Variants in RPL37 observed in about 807,000 individuals in gnomAD.
RPL37 encodes ribosomal protein L37.
A neutral mutation model predicts 14.8 loss-of-function variants in RPL37; 1 was observed. The ratio of observed to expected loss-of-function variants is 0.07; its 90% CI spans 0.02 to 0.32. RPL37 has a LOEUF of 0.32. Among genes scored for constraint, RPL37 ranks in the 10% least tolerant of loss-of-function variants. The pLI, the probability that RPL37 is intolerant of heterozygous loss-of-function variation, is 1.00. For missense variants in RPL37, 100 were observed against 128.3 expected (o/e 0.78, Z 1.06); for synonymous variants, 53 against 45.8 (o/e 1.16, Z -0.63).
chr5:40,830,130 CAGAGGACAG>C lies in RPL37; in HGVS notation c.*2365_*2373del, dbSNP rs1365700894. The C allele has an allele frequency of 1.1e-4, 16 of 152,152 alleles. No homozygotes were observed. Among genetic ancestry groups the C allele is most frequent in the African/African-American group, 3.9e-4 (16 of 41,510 alleles). 9.4% of individuals were successfully genotyped at this position (152,152 alleles called of 1,614,324 possible). A position where few individuals can be genotyped will look rare whatever the true frequency, so the allele number is the denominator to read the frequency against. ...AGGGGCTGGAGGGAGGCTTTTCAGG[CAGAGGACAG>C]AGTTGAAAAGCAGATGGGGTACTTA... On this transcript the variant is annotated 3_prime_UTR_variant, in exon 4 of 4. Transcript: ENST00000274242.
rs996149785 is a variant in RPL37 at position 40,827,585 on chromosome 5, A to C, written c.*4919T>G. On this transcript the variant is annotated 3_prime_UTR_variant, in exon 4 of 4. Coordinates refer to ENST00000274242, the MANE Select transcript of RPL37 (RefSeq NM_000997.5). ...CCCACCGTATAAAGACACAAACATAAAAGCAATGTTTTGATCTGAATCCAA... is the reference window on the plus strand; with the variant it reads ...CCCACCGTATAAAGACACAAACATACAAGCAATGTTTTGATCTGAATCCAA... 27 of 152,160 alleles carry C rather than the reference A, an allele frequency of 1.8e-4. No homozygotes were observed. Among genetic ancestry groups the C allele is most frequent in the African/African-American group, 6.5e-4 (27 of 41,440 alleles). 9.4% of individuals were successfully genotyped at this position (152,160 alleles called of 1,614,324 possible).
chr5:40,832,576 G>A lies in RPL37; in HGVS notation c.225-3C>T. The A allele has an allele frequency of 6.2e-7, 1 of 1,612,816 alleles. No homozygotes were observed. ...TTGTTCCTTCACGGAATCCATGCCT[G>A]CAGGATGTCAAAAACAAGAACAAGT... On this transcript the variant is annotated splice_polypyrimidine_tract_variant and splice_region_variant and intron_variant, in intron 3 of 3. Transcript: ENST00000274242.
Position 40,830,257 on chromosome 5 carries a change from G to A in RPL37, c.*2247C>T, listed in dbSNP as rs571547821. On this transcript the variant is annotated 3_prime_UTR_variant, in exon 4 of 4. Coordinates refer to ENST00000274242, the MANE Select transcript of RPL37 (RefSeq NM_000997.5). ...CTGCTGAAAAATTTAAAGTATAATG[G>A]GTATCTATACATAACTATAACTTAA... is the stretch of plus-strand genomic sequence containing the variant. 2 of 152,166 alleles carry A rather than the reference G, an allele frequency of 1.3e-5. No individual in the cohort carries two copies. The highest frequency in any genetic ancestry group is 3.9e-4 in the East Asian group (2 of 5,184). 9.4% of individuals were successfully genotyped at this position (152,166 alleles called of 1,614,324 possible). A position where few individuals can be genotyped will look rare whatever the true frequency, so the allele number is the denominator to read the frequency against.
At position 40,826,179 on chromosome 5, in the gene RPL37, A is replaced by AT. The variant is rs2112148044; in HGVS notation, c.*6324_*6325insA. 1.3e-5 allele frequency: 2 copies of AT among 152,326 alleles called. No homozygotes were observed. Among genetic ancestry groups the AT allele is most frequent in the South Asian group, 4.1e-4 (2 of 4,828 alleles). 9.4% of individuals were successfully genotyped at this position (152,326 alleles called of 1,614,324 possible). A position where few individuals can be genotyped will look rare whatever the true frequency, so the allele number is the denominator to read the frequency against. On this transcript the variant is annotated 3_prime_UTR_variant, in exon 4 of 4. Coordinates refer to ENST00000274242, the MANE Select transcript of RPL37 (RefSeq NM_000997.5). Reference sequence around the variant, plus strand: ...ATAATTTTAATCATTTTTAAGGCAAAGAAAATACTTTTTACATTTGCTAGA... The same window carrying AT: ...ATAATTTTAATCATTTTTAAGGCAAATGAAAATACTTTTTACATTTGCTAGA...
intron 1 of RPL37, 46 bp from the exon 2 acceptor site, chr5:40,834,652 G>C: frequency 6.5e-7 from 1 of 1,548,468 alleles, no homozygotes; most frequent in South Asian, 1.2e-5. Context: ...GCAACTTCTA[G>C]ATTTACTCGA....
chr5:40,826,187 C>CT lies in RPL37; in HGVS notation c.*6316dup, dbSNP rs1561205096. 2 of 152,112 alleles carry CT rather than the reference C, an allele frequency of 1.3e-5. No homozygotes were observed. The highest frequency in any genetic ancestry group is 4.8e-5 in the African/African-American group (2 of 41,420). The allele number at this position is 152,112 out of a possible 1,614,324, so 9.4% of individuals were successfully genotyped here. Reference sequence around the variant, plus strand: ...AATCATTTTTAAGGCAAAGAAAATACTTTTTACATTTGCTAGATGTTTATT... The same window carrying CT: ...AATCATTTTTAAGGCAAAGAAAATACTTTTTTACATTTGCTAGATGTTTATT... On this transcript the variant is annotated 3_prime_UTR_variant, in exon 4 of 4. Transcript: ENST00000274242.
At position 40,834,226 on chromosome 5, in the gene RPL37, C is replaced by G; in HGVS notation, c.179G>C (p.Gly60Ala). Residue 60 changes from glycine to alanine, a missense_variant, in exon 3 of 4, where the codon GGA (glycine) becomes GCA (alanine). Transcript: ENST00000274242. Reference protein sequence around the residue: ...SAKAKRRNTTGTGRMRHLKIV... With the variant: ...SAKAKRRNTTATGRMRHLKIV... ...TTTTAGGTGCCTCATTCGACCAGTT[C>G]CGGTGGTATTTCGTCTTTTAGCCTT... 2 of 1,614,116 alleles carry G rather than the reference C, an allele frequency of 1.2e-6. No homozygotes were observed. Among genetic ancestry groups the G allele is most frequent in the Non-Finnish European group, 1.7e-6 (2 of 1,179,992 alleles).
rs1005235852 is a variant in RPL37, at chr5:40,831,121, C to T, written c.*1383G>A. ...TTAGTCGAGTGAATCTCCATCTCTA[C>T]AAAAAACACAAAAATTAGCCAGGTG... On this transcript the variant is annotated 3_prime_UTR_variant, in exon 4 of 4. Transcript: ENST00000274242. 6 of 152,008 alleles carry T rather than the reference C, an allele frequency of 3.9e-5. No homozygotes were observed. Among genetic ancestry groups the T allele is most frequent in the African/African-American group, 1.4e-4 (6 of 41,384 alleles). The allele number at this position is 152,008 out of a possible 1,614,324, so 9.4% of individuals were successfully genotyped here.
chr5:40,832,447 C>T lies in RPL37; in HGVS notation c.*57G>A. ...ATTGATTAAAAATACCTTACCAAAA[C>T]CAGATATGTATTTTTTAAAACCAGA... On this transcript the variant is annotated 3_prime_UTR_variant, in exon 4 of 4. Coordinates refer to ENST00000274242, the MANE Select transcript of RPL37 (RefSeq NM_000997.5). The T allele has an allele frequency of 6.9e-7, 1 of 1,445,246 alleles. No homozygotes were observed. Among genetic ancestry groups the T allele is most frequent in the Non-Finnish European group, 9.7e-7 (1 of 1,027,884 alleles). 89.5% of individuals were successfully genotyped at this position (1,445,246 alleles called of 1,614,324 possible). A position where few individuals can be genotyped will look rare whatever the true frequency, so the allele number is the denominator to read the frequency against.
At chr5:40,834,307 C>A in intron 2 of RPL37, 42 bp from the exon 3 acceptor site, 1 of 1,582,296 alleles carries the variant, frequency 6.3e-7, no homozygotes, top group South Asian at 1.1e-5. Context: ...GGTGTTCTCC[C>A]ACACACCTTG....
chr5:40,834,829 TAC>T (rs925172019), intron 1 of RPL37, among the ~76,000 whole-genome samples: 33 of 152,318 alleles, frequency 2.2e-4, no homozygotes, highest in African/African-American at 7.9e-4. Context: ...ACCTTATCTT[TAC>T]AGACTCCGGC....
rs1579789679 is a variant in RPL37, at chr5:40,829,360, T to C, written c.*3144A>G. On this transcript the variant is annotated 3_prime_UTR_variant, in exon 4 of 4. Transcript: ENST00000274242. ...ACATTCTGGTTTAAATCCTCTGTAA[T>C]TTCTCAAGACAAATTCTTCATAATC... is the stretch of plus-strand genomic sequence containing the variant. 6.6e-6 allele frequency: 1 copy of C among 152,248 alleles called. No homozygotes were observed. Among genetic ancestry groups the C allele is most frequent in the African/African-American group, 2.4e-5 (1 of 41,466 alleles). 9.4% of individuals were successfully genotyped at this position (152,248 alleles called of 1,614,324 possible). A position where few individuals can be genotyped will look rare whatever the true frequency, so the allele number is the denominator to read the frequency against.
Position 40,832,224 on chromosome 5 carries a change from A to G in RPL37, c.*280T>C. The G allele has an allele frequency of 2.5e-6, 1 of 402,748 alleles. No individual in the cohort carries two copies. The highest frequency in any genetic ancestry group is 4.7e-6 in the Non-Finnish European group (1 of 212,026). 24.9% of individuals were successfully genotyped at this position (402,748 alleles called of 1,614,324 possible). The stretch of plus-strand genomic sequence containing the variant: ...CCACCTATGCCACATGAGCTGTGCT[A>G]TTTTAATCTGCTATATTGTCTTCCA... On this transcript the variant is annotated 3_prime_UTR_variant, in exon 4 of 4. Transcript: ENST00000274242.
Position 40,830,308 on chromosome 5 carries a change from T to C in RPL37, c.*2196A>G, listed in dbSNP as rs1035199199. On this transcript the variant is annotated 3_prime_UTR_variant, in exon 4 of 4. Coordinates refer to ENST00000274242, the MANE Select transcript of RPL37 (RefSeq NM_000997.5). ...GGCAGGACTGAAGTGCTGTTAAAGA[T>C]AGAAATATAGACAATAGGTGGGGTG... 2.0e-5 allele frequency: 3 copies of C among 152,070 alleles called. No individual in the cohort carries two copies. The highest frequency in any genetic ancestry group is 6.6e-5 in the Admixed American group (1 of 15,262). The allele number at this position is 152,070 out of a possible 1,614,324, so 9.4% of individuals were successfully genotyped here. A position where few individuals can be genotyped will look rare whatever the true frequency, so the allele number is the denominator to read the frequency against.
Position 40,829,184 on chromosome 5 carries a change from G to C in RPL37, c.*3320C>G, listed in dbSNP as rs755939339. 1 of 152,170 alleles carries C rather than the reference G, an allele frequency of 6.6e-6. No individual in the cohort carries two copies. The highest frequency in any genetic ancestry group is 1.5e-5 in the Non-Finnish European group (1 of 68,028). 9.4% of individuals were successfully genotyped at this position (152,170 alleles called of 1,614,324 possible). The stretch of plus-strand genomic sequence containing the variant: ...TCAAGTTTTAGATGTTTTCTGTAGA[G>C]AACTCCCGGACAGCCCCACAGCCAC... On this transcript the variant is annotated 3_prime_UTR_variant, in exon 4 of 4. Coordinates refer to ENST00000274242, the MANE Select transcript of RPL37 (RefSeq NM_000997.5).
rs1008801304 is a variant in RPL37, at chr5:40,829,965, C to T, written c.*2539G>A. The T allele has an allele frequency of 4.6e-5, 7 of 152,024 alleles. No individual in the cohort carries two copies. Among genetic ancestry groups the T allele is most frequent in the African/African-American group, 9.7e-5 (4 of 41,388 alleles). 9.4% of individuals were successfully genotyped at this position (152,024 alleles called of 1,614,324 possible). The stretch of plus-strand genomic sequence containing the variant: ...GCTGCGACTATAGGACGTGAGCTAC[C>T]GTACCCGGCCGCCACAGATTCAACC... On this transcript the variant is annotated 3_prime_UTR_variant, in exon 4 of 4. Transcript: ENST00000274242.
rs1382551346 is a variant in RPL37, at chr5:40,830,495, C to A, written c.*2009G>T. The A allele has an allele frequency of 1.4e-5, 2 of 139,896 alleles. No individual in the cohort carries two copies. The highest frequency in any genetic ancestry group is 3.0e-5 in the Non-Finnish European group (2 of 65,836). 8.7% of individuals were successfully genotyped at this position (139,896 alleles called of 1,614,324 possible). On this transcript the variant is annotated 3_prime_UTR_variant, in exon 4 of 4. Coordinates refer to ENST00000274242, the MANE Select transcript of RPL37 (RefSeq NM_000997.5). ...CATTTGAAAATTTGAGTCATTAGTT[C>A]AAGGATTTTTTTTTTTTTTTGAGGT... is the stretch of plus-strand genomic sequence containing the variant.
chr5:40,834,620 GAATA>G lies in RPL37; in HGVS notation c.4-18_4-15del, dbSNP rs1215459567. ...CGTTCCCTTCGTCTGCACATTAAAGGAATAAATAGTTCTGAAACCTGGCAACTTC... is the reference window on the plus strand; with the variant it reads ...CGTTCCCTTCGTCTGCACATTAAAGGAATAGTTCTGAAACCTGGCAACTTC... On this transcript the variant is annotated splice_polypyrimidine_tract_variant and intron_variant, in intron 1 of 3. Transcript: ENST00000274242. 1.9e-6 allele frequency: 3 copies of G among 1,594,938 alleles called. No homozygotes were observed. In the African/African-American group the frequency reaches 4.1e-5, roughly 22 times the overall value.
rs919821447 is a variant in RPL37, at chr5:40,826,493, A to G, written c.*6011T>C. 6.6e-6 allele frequency: 1 copy of G among 152,010 alleles called. No homozygotes were observed. The highest frequency in any genetic ancestry group is 1.5e-5 in the Non-Finnish European group (1 of 68,010). The allele number at this position is 152,010 out of a possible 1,614,324, so 9.4% of individuals were successfully genotyped here. ...TGGAGAATTGTTAAGTGCTCAATTC[A>G]GCCTTCTTGGACAAAGGAGTTACTA... On this transcript the variant is annotated 3_prime_UTR_variant, in exon 4 of 4. Coordinates refer to ENST00000274242, the MANE Select transcript of RPL37 (RefSeq NM_000997.5).
Sources: allele counts gnomAD v4.1 joint callset (sites outside exome capture counted in the v4.1 genomes callset), GRCh38; gene constraint gnomAD v4.1.1; transcripts MANE v1.5; gene names NCBI Gene and HGNC (gene_info 2026-07-23, HGNC 2026-07-21).